PPP3CA: variants seen among roughly 807,000 people sequenced by gnomAD.
The protein encoded by PPP3CA is protein phosphatase 3 catalytic subunit alpha, also known as CAM-PRP catalytic subunit.
A neutral mutation model predicts 66.5 loss-of-function variants in PPP3CA; 14 were observed. The ratio of observed to expected loss-of-function variants is 0.21; its 90% CI spans 0.14 to 0.33. The LOEUF (loss-of-function observed/expected upper bound fraction) is 0.33, where lower values mean the gene tolerates loss of function less well. Among genes scored for constraint, PPP3CA ranks in the 10% least tolerant of loss-of-function variants. The probability of loss-of-function intolerance (pLI) is 1.00; values close to 1 mark genes in which losing one functional copy is unlikely to be tolerated. For missense variants in PPP3CA, 317 were observed against 639.5 expected (o/e 0.50, Z 5.44); for synonymous variants, 232 against 226.2 (o/e 1.03, Z -0.23).
chr4:101,174,569 A>G (rs1723993658), intron 2 of PPP3CA, among the ~76,000 whole-genome samples: 1 of 152,212 alleles, frequency 6.6e-6, no homozygotes, highest in South Asian at 2.1e-4. Flanking sequence ...GATGACAACA[A>G]TATAAAGAAT....
chr4:101,299,632 T>C lies in PPP3CA; in HGVS notation c.58+47107A>G, dbSNP rs935741410. 1.9e-4 allele frequency among the ~76,000 whole-genome samples: 29 copies of C among 152,258 alleles called. No homozygotes were observed. The East Asian group carries it at 4.6e-3, about 24-fold the overall frequency. The stretch of plus-strand genomic sequence containing the variant: ...TGTATTTATTTATAAGAAATAAATA[T>C]TACATACCAGAATTTTACAGTTTTG... On this transcript the variant is annotated intron_variant, in intron 1 of 13. Coordinates refer to ENST00000394854, the MANE Select transcript of PPP3CA (RefSeq NM_000944.5).
chr4:101,116,318 A>G (rs1460182228), intron 2 of PPP3CA, among the ~76,000 whole-genome samples: 1 of 151,918 alleles, frequency 6.6e-6, no homozygotes, highest in South Asian at 2.1e-4. Context: ...CAGTTCCCCA[A>G]GACAATAAAA....
intron 8 of PPP3CA, among the ~76,000 whole-genome samples, chr4:101,067,052 T>A (rs111630342): frequency 0.015 from 2,328 of 152,196 alleles, 56 homozygotes; most frequent in African/African-American, 0.052. Context: ...GACTGTGACA[T>A]ACATGCAGGC....
At chr4:101,151,496 T>C (rs949524039) in intron 2 of PPP3CA, among the ~76,000 whole-genome samples, 6 of 146,834 alleles carry the variant, frequency 4.1e-5, no homozygotes, top group Non-Finnish European at 7.5e-5. Context: ...GAGGTGGAGG[T>C]TGCAGTGAGC....
rs2110190733 is a variant in PPP3CA at position 101,196,089 on chromosome 4, A to G, written c.86T>C (p.Leu29Pro). The part of the protein sequence containing the change: ...KAVPFPPSHR[L>P]TAKEVFDNDG... ...ATTATCAAACACTTCTTTTGCTGTA[A>G]GCCGGTGACTTGGAGGAAATGGAAC... is the stretch of plus-strand genomic sequence containing the variant. The change falls in exon 2 of 14, where the codon CTT becomes CCT. Residue 29 changes from leucine (L) to proline (P), a missense_variant. Coordinates refer to ENST00000394854, the MANE Select transcript of PPP3CA (RefSeq NM_000944.5). The G allele has an allele frequency of 6.2e-7, 1 of 1,614,002 alleles. No individual in the cohort carries two copies. The highest frequency in any genetic ancestry group is 1.1e-5 in the South Asian group (1 of 91,076).
intron 2 of PPP3CA, among the ~76,000 whole-genome samples, chr4:101,187,433 T>C (rs778118809): frequency 2.6e-5 from 4 of 152,170 alleles, no homozygotes; most frequent in African/African-American, 9.6e-5. Context: ...ATTTTTAACA[T>C]TTCCTCAATT....
At chr4:101,200,901 C>T (rs894126440) in intron 1 of PPP3CA, among the ~76,000 whole-genome samples, 1 of 152,152 alleles carries the variant, frequency 6.6e-6, no homozygotes, top group Admixed American at 6.5e-5. Flanking sequence ...GCACTTTACC[C>T]TCTATATTTA....
intron 1 of PPP3CA, among the ~76,000 whole-genome samples, chr4:101,340,569 T>G (rs1246208878): frequency 2.0e-5 from 3 of 152,158 alleles, no homozygotes; most frequent in Non-Finnish European, 2.9e-5. Flanking sequence ...AATACACAAT[T>G]GTTATTTCAC....
At chr4:101,270,701 A>C (rs1727310894) in intron 1 of PPP3CA, among the ~76,000 whole-genome samples, 1 of 152,196 alleles carries the variant, frequency 6.6e-6, no homozygotes, top group Admixed American at 6.5e-5. Flanking sequence ...TTTAATCTGA[A>C]TGGTTATTTC....
At chr4:101,159,588 A>G (rs1459509446) in intron 2 of PPP3CA, among the ~76,000 whole-genome samples, 1 of 152,216 alleles carries the variant, frequency 6.6e-6, no homozygotes, top group Non-Finnish European at 1.5e-5. Context: ...AAAGAAAGAC[A>G]GCTTTATTAA....
chr4:101,320,214 A>G (rs1315053062), intron 1 of PPP3CA, among the ~76,000 whole-genome samples: 1 of 151,600 alleles, frequency 6.6e-6, no homozygotes, highest in Non-Finnish European at 1.5e-5. Flanking sequence ...TTATTTCAAG[A>G]AGTAGCCTAT....
At chr4:101,065,209 T>C (rs1728631395) in intron 8 of PPP3CA, among the ~76,000 whole-genome samples, 1 of 151,898 alleles carries the variant, frequency 6.6e-6, no homozygotes, top group Non-Finnish European at 1.5e-5. Context: ...ATCAATACTT[T>C]TGATCTTCAG....
chr4:101,080,473 G>T, intron 8 of PPP3CA, 59 bp downstream of exon 8: 2 of 957,048 alleles, frequency 2.1e-6, no homozygotes, highest in Non-Finnish European at 1.4e-6. Context: ...AAAATAAAAC[G>T]GCTTAAGAAT....
chr4:101,049,780 A>T (rs1727930163), intron 10 of PPP3CA, among the ~76,000 whole-genome samples: 1 of 152,112 alleles, frequency 6.6e-6, no homozygotes, highest in South Asian at 2.1e-4. Flanking sequence ...AACATATTAA[A>T]TATTACATTT....
intron 1 of PPP3CA, among the ~76,000 whole-genome samples, chr4:101,331,166 G>C (rs6812094): frequency 0.11 from 16,143 of 152,118 alleles, 2,908 homozygotes; most frequent in African/African-American, 0.37. Flanking sequence ...ATCTTGCCCT[G>C]AAGTTAGTGT....
At chr4:101,330,838 T>A (rs928763960) in intron 1 of PPP3CA, among the ~76,000 whole-genome samples, 3 of 152,182 alleles carry the variant, frequency 2.0e-5, no homozygotes, top group South Asian at 2.1e-4. Flanking sequence ...TTAAAATGAC[T>A]TTTTTATGGA....
At chr4:101,115,257 G>A (rs1721804059) in intron 2 of PPP3CA, among the ~76,000 whole-genome samples, 1 of 151,990 alleles carries the variant, frequency 6.6e-6, no homozygotes, top group African/African-American at 2.4e-5. Flanking sequence ...AAGTAGAGAA[G>A]ATAATAGCCA....
At chr4:101,168,839 T>G (rs2110313355) in intron 2 of PPP3CA, among the ~76,000 whole-genome samples, 1 of 152,338 alleles carries the variant, frequency 6.6e-6, no homozygotes, top group South Asian at 2.1e-4. Flanking sequence ...GACCTCTTAT[T>G]ATATCAGAAA....
At chr4:101,032,768 T>G (rs1279411654) in intron 11 of PPP3CA, among the ~76,000 whole-genome samples, 2 of 152,272 alleles carry the variant, frequency 1.3e-5, no homozygotes, top group African/African-American at 4.8e-5. Context: ...GGGGAAGTGA[T>G]TTGATTTGAC....
Sources: allele counts gnomAD v4.1 joint callset (sites outside exome capture counted in the v4.1 genomes callset), GRCh38; gene constraint gnomAD v4.1.1; transcripts MANE v1.5; gene names NCBI Gene and HGNC (gene_info 2026-07-23, HGNC 2026-07-21).